The following DMD variants were observed in gnomAD, a reference collection of about 807,000 sequenced individuals.
The protein encoded by DMD is dystrophin.
In DMD, 63 loss-of-function variants were observed where a neutral mutation model predicts 330.1. The observed-to-expected ratio is 0.19, with a 90% CI of 0.16 to 0.24. The LOEUF is 0.24. Ranked by LOEUF, DMD falls within the 10% of genes least tolerant of loss-of-function variation. The pLI is 1.00. For missense variants in DMD, 3,344 were observed against 2,684.1 expected, an observed-to-expected ratio of 1.25 and a Z score of -5.43; for synonymous variants, 1,223 against 959.8, an observed-to-expected ratio of 1.27 and a Z score of -5.07.
chrX:31,235,599 T>A (rs998645007), intron 63 of DMD, among the ~76,000 whole-genome samples: 5 of 112,449 alleles, frequency 4.4e-5, no homozygotes, highest in African/African-American at 9.7e-5. Context: ...TGGAATAAAA[T>A]TAGATTCTGA....
At chrX:31,803,676 TTCTCTCTC>T (rs747729240) in intron 50 of DMD, among the ~76,000 whole-genome samples, 17 of 87,757 alleles carry the variant, frequency 1.9e-4, no homozygotes, top group African/African-American at 3.0e-4. Flanking sequence ...CTTTCTCTGT[TTCTCTCTC>T]TCTCTCTCTC....
intron 34 of DMD, among the ~76,000 whole-genome samples, chrX:32,365,455 AC>A (rs1278870388): frequency 9.0e-6 from 1 of 111,084 alleles, no homozygotes; most frequent in Non-Finnish European, 1.9e-5. Context: ...ATATTGTTCA[AC>A]TAAATATATT....
At chrX:31,918,629 T>G (rs2094642374) in intron 47 of DMD, among the ~76,000 whole-genome samples, 1 of 111,218 alleles carries the variant, frequency 9.0e-6, no homozygotes, top group Admixed American at 9.6e-5. Flanking sequence ...ACATCTTTTT[T>G]TTTAATCTTT....
At chrX:32,429,388 T>TTTTC (rs2098227827) in intron 29 of DMD, among the ~76,000 whole-genome samples, 2 of 16,573 alleles carry the variant, frequency 1.2e-4, no homozygotes, top group Non-Finnish European at 1.9e-4. Flanking sequence ...TTTTTTTGGG[T>TTTTC]TTTTTTTTTT....
At chrX:31,796,436 T>C (rs2091834749) in intron 50 of DMD, among the ~76,000 whole-genome samples, 1 of 112,220 alleles carries the variant, frequency 8.9e-6, no homozygotes, top group Admixed American at 9.4e-5. Context: ...ATAGGGAATA[T>C]AGTAAGAGGA....
chrX:33,010,757 T>C (rs892863991), intron 2 of DMD, among the ~76,000 whole-genome samples: 1 of 110,933 alleles, frequency 9.0e-6, no homozygotes, highest in Non-Finnish European at 1.9e-5. Flanking sequence ...CATTCCCCTT[T>C]GAGGGTTCAA....
At chrX:31,188,213 C>G (rs1378565446) in intron 67 of DMD, among the ~76,000 whole-genome samples, 1 of 111,815 alleles carries the variant, frequency 8.9e-6, no homozygotes, top group Non-Finnish European at 1.9e-5. Context: ...TTATGACAAA[C>G]TACTCTGTAT....
intron 13 of DMD, among the ~76,000 whole-genome samples, chrX:32,595,162 G>A (rs772289976): frequency 1.8e-5 from 2 of 111,400 alleles, no homozygotes; most frequent in Non-Finnish European, 3.8e-5. Context: ...AGCAAATTAG[G>A]GATAATCAGT....
chrX:32,567,398 G>A (rs1342430564), intron 15 of DMD, among the ~76,000 whole-genome samples: 2 of 111,543 alleles, frequency 1.8e-5, no homozygotes, highest in African/African-American at 6.5e-5. Context: ...TAGGTAGGTG[G>A]TTTTTCTTTT....
At chrX:31,307,707 T>C (rs949181846) in intron 62 of DMD, among the ~76,000 whole-genome samples, 1 of 112,177 alleles carries the variant, frequency 8.9e-6, no homozygotes, top group African/African-American at 3.2e-5. Context: ...TGATATCTAA[T>C]ATTTAACAGA....
intron 44 of DMD, among the ~76,000 whole-genome samples, chrX:32,100,168 G>T (rs976240347): frequency 2.7e-5 from 3 of 109,978 alleles, no homozygotes; most frequent in Middle Eastern, 4.3e-3. Context: ...TTTCAACTTT[G>T]AACTACCCCA....
chrX:31,227,324 G>A (rs905522972), intron 63 of DMD, among the ~76,000 whole-genome samples: 1 of 111,633 alleles, frequency 9.0e-6, no homozygotes, highest in Admixed American at 9.6e-5. Flanking sequence ...ATGAATATTA[G>A]TGTGGAACAG....
intron 30 of DMD, among the ~76,000 whole-genome samples, chrX:32,397,935 A>G (rs1404685819): frequency 9.0e-6 from 1 of 111,303 alleles, no homozygotes; most frequent in African/African-American, 3.3e-5. Flanking sequence ...ATTTTAGTAA[A>G]AGATATTAAA....
At chrX:32,000,644 A>G (rs1241379429) in intron 44 of DMD, among the ~76,000 whole-genome samples, 1 of 111,839 alleles carries the variant, frequency 8.9e-6, no homozygotes, top group African/African-American at 3.2e-5. Flanking sequence ...TGGTGATAGT[A>G]AAGCTTTAGC....
intron 34 of DMD, among the ~76,000 whole-genome samples, chrX:32,366,390 A>G (rs2097854576): frequency 8.9e-6 from 1 of 112,032 alleles, no homozygotes; most frequent in Non-Finnish European, 1.9e-5. Context: ...AGATACAGAG[A>G]CTGTGATTGG....
intron 2 of DMD, among the ~76,000 whole-genome samples, chrX:32,969,680 T>C (rs1380212984): frequency 1.1e-5 from 1 of 94,914 alleles, no homozygotes. Context: ...TATGCACATA[T>C]GTATGTACAT....
intron 55 of DMD, among the ~76,000 whole-genome samples, chrX:31,596,004 C>A (rs778049641): frequency 9.0e-6 from 1 of 111,038 alleles, no homozygotes; most frequent in East Asian, 2.8e-4. Context: ...AAACCATCAG[C>A]AAAAAGCAAA....
chrX:32,707,448 C>A (rs2064777445), intron 7 of DMD, among the ~76,000 whole-genome samples: 1 of 111,595 alleles, frequency 9.0e-6, no homozygotes, highest in Non-Finnish European at 1.9e-5. Flanking sequence ...TGCACAGAAG[C>A]TGGTGGGGAA....
chrX:32,793,051 A>G (rs1231635268), intron 7 of DMD, among the ~76,000 whole-genome samples: 3 of 112,065 alleles, frequency 2.7e-5, no homozygotes, highest in East Asian at 2.8e-4. Context: ...ACCATATGTT[A>G]TGACAGAATA....
Sources: allele counts gnomAD v4.1 joint callset (sites outside exome capture counted in the v4.1 genomes callset), GRCh38; gene constraint gnomAD v4.1.1; transcripts MANE v1.5; gene names NCBI Gene and HGNC (gene_info 2026-07-23, HGNC 2026-07-21).